SYNE1: variants seen among roughly 807,000 people sequenced by gnomAD.
The protein encoded by SYNE1 is nesprin-1.
A neutral mutation model predicts 1,111.0 loss-of-function variants in SYNE1; 616 were observed. That is an observed-to-expected ratio of 0.55 (90% CI 0.52 to 0.59). The LOEUF (loss-of-function observed/expected upper bound fraction) is 0.59, where lower values mean the gene tolerates loss of function less well. SYNE1 is among the 20% of genes least tolerant of loss of function. The pLI is 0.00. For missense variants in SYNE1, 10,006 were observed against 10,417.0 expected, an observed-to-expected ratio of 0.96 and a Z score of 1.72; for synonymous variants, 3,855 against 3,825.8, an observed-to-expected ratio of 1.01 and a Z score of -0.28.
chr6:152,325,552 A>T lies in SYNE1; in HGVS notation c.15439-250T>A, dbSNP rs116448483. 6.2e-3 allele frequency among the ~76,000 whole-genome samples: 937 copies of T among 152,324 alleles called. 11 individuals carry two copies. The highest frequency in any genetic ancestry group is 0.021 in the African/African-American group (892 of 41,568). ...ACAAAAGTGTATTTTGCTACTTGAG[A>T]TGACATTTTTTTCATTTTTAAAAAG... is the stretch of plus-strand genomic sequence containing the variant. On this transcript the variant is annotated intron_variant, in intron 80 of 145. Transcript: ENST00000367255.
chr6:152,474,147 T>G (rs1174830916), intron 14 of SYNE1, among the ~76,000 whole-genome samples: 1 of 151,256 alleles, frequency 6.6e-6, no homozygotes, highest in Non-Finnish European at 1.5e-5. Flanking sequence ...ATCACACCAT[T>G]GCACTCCAGC....
intron 128 of SYNE1, among the ~76,000 whole-genome samples, chr6:152,186,556 C>CAAAAAAAAA (rs59187571): frequency 6.6e-4 from 25 of 38,040 alleles, no homozygotes; most frequent in African/African-American, 7.6e-4. Context: ...AGCTCTGTGT[C>CAAAAAAAAA]AAAAAAAAAA....
chr6:152,413,496 T>A lies in SYNE1; in HGVS notation c.6086A>T (p.Asn2029Ile). ...RVFNQLEDEL[N>I]SHEHELCWLK... is the part of the protein sequence containing the mutation. ...CCAACATAGTTCATGCTCGTGAGAATTCAATTCATCTTCTAGCTGATTAAA... is the reference window on the plus strand; with the variant it reads ...CCAACATAGTTCATGCTCGTGAGAAATCAATTCATCTTCTAGCTGATTAAA... The change falls in exon 42 of 146, where the codon AAT (asparagine) becomes ATT (isoleucine). Residue 2029 changes from asparagine to isoleucine, a missense_variant. Physicochemically the swap from Asn to Ile is moderately radical, Grantham distance 149. Around this residue, in one of 7 missense-constraint regions of SYNE1, gnomAD observed 4,955 missense variants for 5,017.2 expected, o/e 0.99. Transcript: ENST00000367255. 6.2e-7 allele frequency: 1 copy of A among 1,614,194 alleles called. No individual in the cohort carries two copies. The highest frequency in any genetic ancestry group is 8.5e-7 in the Non-Finnish European group (1 of 1,180,018).
At chr6:152,420,829 AGC>A in intron 39 of SYNE1, among the ~76,000 whole-genome samples, 1 of 152,092 alleles carries the variant, frequency 6.6e-6, no homozygotes, top group Non-Finnish European at 1.5e-5. Context: ...AATTGTCTAT[AGC>A]TTACAACAAA....
At chr6:152,254,778 C>A in intron 104 of SYNE1, 102 bp downstream of exon 104, 1 of 1,028,754 alleles carries the variant, frequency 9.7e-7, no homozygotes, top group South Asian at 1.4e-5. Flanking sequence ...CTTCATTACG[C>A]ATTTAGAAAA....
chr6:152,385,795 A>T lies in SYNE1; in HGVS notation c.8531T>A (p.Met2844Lys), dbSNP rs577620830. 5 of 1,614,070 alleles carry T rather than the reference A, an allele frequency of 3.1e-6. No individual in the cohort carries two copies. Among genetic ancestry groups the T allele is most frequent in the Non-Finnish European group, 3.4e-6 (4 of 1,179,924 alleles). ...GAACTCGTGGACCGCATCTAAATAC[A>T]TTAGATGATCTTTCACAATCTCTTC... ...KVEEIVKDHL[M>K]YLDAVHEFTD... is the part of the protein sequence containing the mutation. Residue 2844 changes from methionine to lysine, a missense_variant, in exon 55 of 146, where the codon ATG (methionine) becomes AAG (lysine). Coordinates refer to ENST00000367255, the MANE Select transcript of SYNE1 (RefSeq NM_182961.4).
chr6:152,503,678 A>C (rs1314163969), intron 9 of SYNE1, among the ~76,000 whole-genome samples: 3 of 152,182 alleles, frequency 2.0e-5, no homozygotes, highest in Non-Finnish European at 4.4e-5. Context: ...AGAGACTTGC[A>C]ATATAGGGTT....
At chr6:152,122,729 G>A (rs1054910151) in intron 145 of SYNE1, 53 bp from the exon 146 acceptor site, 22 of 1,609,258 alleles carry the variant, frequency 1.4e-5, no homozygotes, top group East Asian at 4.5e-5. Flanking sequence ...TCGGAGGGAC[G>A]CTGCTTTTTG....
chr6:152,353,124 T>C (rs939927869), intron 69 of SYNE1, 139 bp downstream of exon 69: 17 of 1,192,932 alleles, frequency 1.4e-5, no homozygotes, highest in Middle Eastern at 1.9e-4. Flanking sequence ...CAACTTAGTA[T>C]TTCAAGTAAA....
rs1482264991 is a variant in SYNE1, at chr6:152,152,028, CA to C, written c.24242del (p.Met8081ArgfsTer66). On this transcript the variant is annotated frameshift_variant, in exon 134 of 146. Coordinates refer to ENST00000367255, the MANE Select transcript of SYNE1 (RefSeq NM_182961.4). LOFTEE classifies it high-confidence loss of function. Reference sequence around the variant, plus strand: ...CCCATCTCTGGTTGCCTTCGTGAACCATCTGTTTGAGGCTACATGCTGAATC... The same window carrying C: ...CCCATCTCTGGTTGCCTTCGTGAACCTCTGTTTGAGGCTACATGCTGAATC... ...RTDSACSLKQMVHEGNQRWDN... is the reference protein window; with the variant it reads ...RTDSACSLKQXVHEGNQRWDN... 6.2e-7 allele frequency: 1 copy of C among 1,614,020 alleles called. No homozygotes were observed. Among genetic ancestry groups the C allele is most frequent in the Non-Finnish European group, 8.5e-7 (1 of 1,180,042 alleles).
intron 101 of SYNE1, among the ~76,000 whole-genome samples, chr6:152,259,817 T>A (rs2091665585): frequency 6.6e-6 from 1 of 152,110 alleles, no homozygotes; most frequent in Non-Finnish European, 1.5e-5. Context: ...TGAGGCACTT[T>A]GTACAAATGA....
In SYNE1 at chr6:152,155,988, T is replaced by A; in HGVS notation, c.23900A>T (p.Asp7967Val). Residue 7967 changes from aspartate (D) to valine (V), a missense_variant, in exon 132 of 146, where the codon GAC becomes GTC. Transcript: ENST00000367255. ...GTTTCTCGTAGCCTGCTGTATAGAG[T>A]CACACTCGGCATCAGTGGCACAGGC... is the stretch of plus-strand genomic sequence containing the variant. ...CDACATDAEC[D>V]SIQQATRNLD... 6.2e-7 allele frequency: 1 copy of A among 1,614,090 alleles called. No homozygotes were observed. The highest frequency in any genetic ancestry group is 1.1e-5 in the South Asian group (1 of 91,078).
At chr6:152,455,397 G>A in intron 24 of SYNE1, 29 bp downstream of exon 24, 2 of 1,606,802 alleles carry the variant, frequency 1.2e-6, no homozygotes, top group Non-Finnish European at 1.7e-6. Flanking sequence ...ATGTATTCAG[G>A]TCAAGTGTCC....
At position 152,317,004 on chromosome 6, in the gene SYNE1, T is replaced by C; in HGVS notation, c.16573-18A>G. ...GATGCTGCCTGAAAAACCAGTAACA[T>C]TAATGTAACAAATGTAAACTCCTCA... On this transcript the variant is annotated intron_variant, in intron 86 of 145. Transcript: ENST00000367255. 6.2e-7 allele frequency: 1 copy of C among 1,613,366 alleles called. No homozygotes were observed. The highest frequency in any genetic ancestry group is 8.5e-7 in the Non-Finnish European group (1 of 1,179,904).
intron 64 of SYNE1, among the ~76,000 whole-genome samples, chr6:152,361,225 C>T (rs748899837): frequency 1.3e-5 from 2 of 152,104 alleles, no homozygotes; most frequent in African/African-American, 2.4e-5. Context: ...GGCTGGAGAG[C>T]GCAAGGGAGG....
At chr6:152,268,523 G>C (rs2153675966) in intron 99 of SYNE1, among the ~76,000 whole-genome samples, 1 of 152,140 alleles carries the variant, frequency 6.6e-6, no homozygotes, top group African/African-American at 2.4e-5. Flanking sequence ...GGGAAAAGTG[G>C]CTTTTTAAGT....
intron 98 of SYNE1, among the ~76,000 whole-genome samples, chr6:152,274,797 T>C (rs1030346839): frequency 1.3e-5 from 2 of 152,168 alleles, no homozygotes; most frequent in African/African-American, 4.8e-5. Context: ...AGTTTCACTA[T>C]GTTGGCTAGG....
intron 4 of SYNE1, among the ~76,000 whole-genome samples, chr6:152,529,383 C>T (rs1255496872): frequency 6.6e-6 from 1 of 152,108 alleles, no homozygotes; most frequent in African/African-American, 2.4e-5. Context: ...GAGCTGGGCC[C>T]ATCATATTCT....
At chr6:152,177,067 T>C (rs117630754) in intron 129 of SYNE1, among the ~76,000 whole-genome samples, 1,713 of 152,144 alleles carry the variant, frequency 0.011, 16 homozygotes, top group Non-Finnish European at 0.017. Context: ...TTTAAAAGAG[T>C]TCCTTCATTT....
Sources: gnomAD v4.1 joint callset for allele counts (sites outside exome capture counted in the v4.1 genomes callset) on GRCh38, gnomAD v4.1.1 for gene constraint, gnomAD v4.1.1 regional missense constraint, MANE v1.5 for transcripts, NCBI Gene and HGNC (gene_info 2026-07-23, HGNC 2026-07-21) for gene names.